Variants in RAB2B observed in about 807,000 individuals in gnomAD.
RAB2B encodes ras-related protein Rab-2B.
A neutral mutation model predicts 29.8 loss-of-function variants in RAB2B; 20 were observed. The observed-to-expected ratio is 0.67, with a 90% CI of 0.47 to 0.97. RAB2B has a LOEUF of 0.97. Ranked by LOEUF, RAB2B falls within the 50% of genes least tolerant of loss-of-function variation. The pLI is 0.00. For synonymous variants in RAB2B, 93 were observed against 91.7 expected (o/e 1.01, Z -0.08); for missense variants, 218 against 272.0 (o/e 0.80, Z 1.40).
Position 21,468,398 on chromosome 14 carries a change from G to A in RAB2B, c.321C>T (p.His107=). 3 of 1,614,038 alleles carry A rather than the reference G, an allele frequency of 1.9e-6. No homozygotes were observed. Among genetic ancestry groups the A allele is most frequent in the Middle Eastern group, 1.6e-4 (1 of 6,062 alleles). Residue 107 remains histidine (H), a synonymous_variant, in exon 5 of 8, where the codon CAC becomes CAT. Transcript: ENST00000397762. ...LTSWLEDARQ[H]SSSNMVIMLI... ...GCATGATAACCATGTTGGAACTAGA[G>A]TGCTGCCGGGCATCCTCTAACCATG...
At chr14:21,473,483 A>G (rs1489958145) in intron 3 of RAB2B, among the ~76,000 whole-genome samples, 1 of 152,262 alleles carries the variant, frequency 6.6e-6, no homozygotes, top group Non-Finnish European at 1.5e-5. Context: ...TGGCATTACT[A>G]CATGTATCAA....
At chr14:21,464,035 T>C (rs1037841654) in intron 5 of RAB2B, among the ~76,000 whole-genome samples, 5 of 152,244 alleles carry the variant, frequency 3.3e-5, no homozygotes, top group Admixed American at 6.5e-5. Context: ...CAAGCCCCCA[T>C]AGTTACACAA....
intron 2 of RAB2B, among the ~76,000 whole-genome samples, chr14:21,475,827 T>C (rs1437578790): frequency 6.6e-6 from 1 of 152,172 alleles, no homozygotes; most frequent in African/African-American, 2.4e-5. Flanking sequence ...TCCATACAGG[T>C]GGGACTTGGA....
intron 5 of RAB2B, among the ~76,000 whole-genome samples, chr14:21,467,825 G>A (rs1235072918): frequency 6.6e-6 from 1 of 152,102 alleles, no homozygotes; most frequent in African/African-American, 2.4e-5. Context: ...ATGGACAGAT[G>A]GATAAACAAA....
chr14:21,466,993 G>A (rs867597436), intron 5 of RAB2B, among the ~76,000 whole-genome samples: 7 of 151,822 alleles, frequency 4.6e-5, no homozygotes, highest in Non-Finnish European at 1.0e-4. Context: ...TGCAACCTCC[G>A]CCTCCCGAGT....
chr14:21,474,972 C>T (rs377457422), intron 2 of RAB2B, 38 bp from the exon 3 acceptor site: 56 of 1,570,860 alleles, frequency 3.6e-5, no homozygotes, highest in Middle Eastern at 1.7e-4. Flanking sequence ...GTGATTCTCA[C>T]GAACAGCAGC....
In RAB2B at chr14:21,476,596, A is replaced by C; in HGVS notation, c.50T>G (p.Val17Gly). The change falls in exon 2 of 8, where the codon GTG becomes GGG. Residue 17 changes from valine (V) to glycine (G), a missense_variant. Coordinates refer to ENST00000397762, the MANE Select transcript of RAB2B (RefSeq NM_032846.4). ...CTGCAGGAGGAGACATGACTTCCCC[A>C]CACCTGAAAGAGAAAGCACACTCCC... ...FKYIIIGDTG[V>G]GKSCLLLQFT... The C allele has an allele frequency of 6.2e-7, 1 of 1,613,720 alleles. No individual in the cohort carries two copies. The highest frequency in any genetic ancestry group is 8.5e-7 in the Non-Finnish European group (1 of 1,179,996).
At position 21,463,806 on chromosome 14, in the gene RAB2B, A is replaced by T. The variant is rs187794832; in HGVS notation, c.363-39T>A. The T allele has an allele frequency of 2.2e-4, 288 of 1,322,000 alleles. 1 individual carries two copies. The African/African-American group carries it at 3.4e-3, about 16-fold the overall frequency. 81.9% of individuals were successfully genotyped at this position (1,322,000 alleles called of 1,614,324 possible). ...ATTAAGGAGAAAATTTAAAAAAAAG[A>T]TCCAAGTGAAAGAGGAAAGTCTATT... On this transcript the variant is annotated intron_variant, in intron 5 of 7. Transcript: ENST00000397762.
intron 3 of RAB2B, among the ~76,000 whole-genome samples, chr14:21,470,281 TGA>T (rs1008066725): frequency 2.0e-4 from 30 of 152,150 alleles, no homozygotes; most frequent in African/African-American, 7.2e-4. Flanking sequence ...ATGGGGAAAA[TGA>T]GGCTCACACA....
At chr14:21,470,993 C>CAAAAAAAAAAAAAAAAAAAAAAAAAAA (rs869211285) in intron 3 of RAB2B, among the ~76,000 whole-genome samples, 3 of 98,792 alleles carry the variant, frequency 3.0e-5, no homozygotes, top group African/African-American at 1.3e-4. Flanking sequence ...GCTAAAAATA[C>CAAAAAAAAAAAAAAAAAAAAAAAAAAA]AAAAAAAAAA....
In RAB2B at chr14:21,460,597, A is replaced by AAAG. The variant is rs1890525376; in HGVS notation, c.*598_*599insCTT. On this transcript the variant is annotated 3_prime_UTR_variant, in exon 8 of 8. Coordinates refer to ENST00000397762, the MANE Select transcript of RAB2B (RefSeq NM_032846.4). Reference sequence around the variant, plus strand: ...AGACTCCATCCCCCCAAAAAAAAAAAAAAAAAAAGAAAAAAAAAATTATTT... The same window carrying AAAG: ...AGACTCCATCCCCCCAAAAAAAAAAAAAGAAAAAAAAGAAAAAAAAAATTATTT... 6.6e-6 allele frequency: 1 copy of AAAG among 150,894 alleles called. No homozygotes were observed. The highest frequency in any genetic ancestry group is 1.4e-5 in the Non-Finnish European group (1 of 69,572). The allele number at this position is 150,894 out of a possible 1,614,324, so 9.3% of individuals were successfully genotyped here.
intron 5 of RAB2B, among the ~76,000 whole-genome samples, chr14:21,466,236 G>A (rs769958942): frequency 4.6e-5 from 7 of 152,132 alleles, no homozygotes; most frequent in Non-Finnish European, 1.0e-4. Context: ...TGTAATCCCA[G>A]CACTTTGGGA....
chr14:21,462,184 T>A (rs888314784), intron 7 of RAB2B, among the ~76,000 whole-genome samples, 166 bp downstream of exon 7: 1 of 148,254 alleles, frequency 6.7e-6, no homozygotes, highest in African/African-American at 2.5e-5. Flanking sequence ...TGATGACAGG[T>A]CTCTGTGTAC....
chr14:21,467,987 A>G (rs75056495), intron 5 of RAB2B, among the ~76,000 whole-genome samples: 1,892 of 152,044 alleles, frequency 0.012, 38 homozygotes, highest in African/African-American at 0.042. Flanking sequence ...GTCTACTTGT[A>G]TGAGGTACCA....
At position 21,476,955 on chromosome 14, in the gene RAB2B, T is replaced by G. The variant is rs1890993924; in HGVS notation, c.-83A>C. On this transcript the variant is annotated 5_prime_UTR_variant, in exon 1 of 8. Transcript: ENST00000397762. ...CCTCTCTAGCCACTCAATCTACCGA[T>G]CTTCTTCTTCTCCCCCTTCCCCCCG... 2 of 1,449,716 alleles carry G rather than the reference T, an allele frequency of 1.4e-6. No homozygotes were observed. Among genetic ancestry groups the G allele is most frequent in the Non-Finnish European group, 1.9e-6 (2 of 1,036,962 alleles). The allele number at this position is 1,449,716 out of a possible 1,614,324, so 89.8% of individuals were successfully genotyped here.
At chr14:21,462,836 T>TAAAAAAAAAAAAAAAAAAAATAAAAAA (rs1890594758) in intron 6 of RAB2B, among the ~76,000 whole-genome samples, 1 of 87,090 alleles carries the variant, frequency 1.1e-5, no homozygotes. Context: ...AGACTCAGTC[T>TAAAAAAAAAAAAAAAAAAAATAAAAAA]AAAAAAAAAA....
In RAB2B at chr14:21,468,842, G is replaced by A. The variant is rs931397343; in HGVS notation, c.187-90C>T. 2.0e-5 allele frequency: 14 copies of A among 692,252 alleles called. No homozygotes were observed. The Middle Eastern group carries it at 8.0e-4, about 40-fold the overall frequency. 42.9% of individuals were successfully genotyped at this position (692,252 alleles called of 1,614,324 possible). ...GATCACATGCCACCCTAATACAAAG[G>A]ACTTAACTAAAAAAAGAATTTCTAT... On this transcript the variant is annotated intron_variant, in intron 3 of 7. Transcript: ENST00000397762.
At chr14:21,476,679 G>A in intron 1 of RAB2B, 80 bp from the exon 2 acceptor site, 2 of 1,612,216 alleles carry the variant, frequency 1.2e-6, no homozygotes, top group Middle Eastern at 1.7e-4. Flanking sequence ...CCAGAGAAGG[G>A]GGGCTCCCGA....
intron 5 of RAB2B, among the ~76,000 whole-genome samples, chr14:21,465,482 T>C (rs1890665362): frequency 6.6e-6 from 1 of 152,350 alleles, no homozygotes; most frequent in Non-Finnish European, 1.5e-5. Context: ...ACTTCCAATA[T>C]GTACCTTAAA....
Sources: allele counts gnomAD v4.1 joint callset (sites outside exome capture counted in the v4.1 genomes callset), GRCh38; gene constraint gnomAD v4.1.1; transcripts MANE v1.5; gene names NCBI Gene and HGNC (gene_info 2026-07-23, HGNC 2026-07-21).